Variants in PUM1 observed in about 807,000 individuals in gnomAD.
The protein encoded by PUM1 is pumilio homolog 1.
A neutral mutation model predicts 131.8 loss-of-function variants in PUM1; 13 were observed. The ratio of observed to expected loss-of-function variants is 0.10; its 90% CI spans 0.06 to 0.16. PUM1 has a LOEUF of 0.16. Among genes scored for constraint, PUM1 ranks in the 10% least tolerant of loss-of-function variants. PUM1 has a pLI of 1.00. For missense variants in PUM1, 961 were observed against 1,512.4 expected, an observed-to-expected ratio of 0.64 and a Z score of 6.05; for synonymous variants, 509 against 556.5, an observed-to-expected ratio of 0.91 and a Z score of 1.20.
At chr1:30,971,467 T>C (rs1385007770) in intron 10 of PUM1, among the ~76,000 whole-genome samples, 5 of 152,242 alleles carry the variant, frequency 3.3e-5, no homozygotes, top group African/African-American at 4.8e-5. Context: ...ATGATTATTA[T>C]GTCCATTTTA....
rs1361233490 is a variant in PUM1 at position 30,962,559 on chromosome 1, C to T, written c.2323+2115G>A. Reference sequence around the variant, plus strand: ...CCAAGCAGCTGGGACTACAGGCACACGCCACCATGCCTGGCTAATTTTTGT... The same window carrying T: ...CCAAGCAGCTGGGACTACAGGCACATGCCACCATGCCTGGCTAATTTTTGT... On this transcript the variant is annotated intron_variant, in intron 14 of 21. Transcript: ENST00000426105. 5.3e-5 allele frequency among the ~76,000 whole-genome samples: 8 copies of T among 152,168 alleles called. No individual in the cohort carries two copies. In the East Asian group the frequency reaches 7.7e-4, roughly 15 times the overall value.
intron 2 of PUM1, among the ~76,000 whole-genome samples, chr1:31,033,604 G>A (rs1381971138): frequency 1.3e-5 from 2 of 152,036 alleles, no homozygotes; most frequent in African/African-American, 2.4e-5. Context: ...AAGCCCAAGT[G>A]ATCCATCCAG....
At chr1:30,936,929 G>A in intron 20 of PUM1, 94 bp from the exon 21 acceptor site, 1 of 1,060,588 alleles carries the variant, frequency 9.4e-7, no homozygotes, top group Non-Finnish European at 1.3e-6. Flanking sequence ...CTCCGGACCA[G>A]CAGGGAGAGA....
chr1:31,059,757 A>G (rs1644326435), intron 1 of PUM1, among the ~76,000 whole-genome samples, 180 bp from the exon 2 acceptor site: 1 of 152,154 alleles, frequency 6.6e-6, no homozygotes, highest in African/African-American at 2.4e-5. Context: ...TTATGTTGTT[A>G]ACCAACACAT....
At chr1:31,062,387 C>T (rs1248847254) in intron 1 of PUM1, among the ~76,000 whole-genome samples, 2 of 152,106 alleles carry the variant, frequency 1.3e-5, no homozygotes, top group African/African-American at 4.8e-5. Context: ...CTTTGGGAGG[C>T]GGAGGCAGGC....
intron 14 of PUM1, among the ~76,000 whole-genome samples, chr1:30,961,922 T>C (rs1314674022): frequency 2.0e-5 from 3 of 152,302 alleles, no homozygotes; most frequent in Admixed American, 6.5e-5. Flanking sequence ...AGCAGTGAAG[T>C]AGTATTAACA....
chr1:31,009,588 A>G (rs2124514467), intron 3 of PUM1, among the ~76,000 whole-genome samples: 1 of 152,106 alleles, frequency 6.6e-6, no homozygotes, highest in East Asian at 1.9e-4. Flanking sequence ...CAACATGGCA[A>G]GATCCCCGTC....
chr1:31,048,791 T>C (rs1644034239), intron 2 of PUM1, among the ~76,000 whole-genome samples: 1 of 152,100 alleles, frequency 6.6e-6, no homozygotes, highest in Non-Finnish European at 1.5e-5. Flanking sequence ...GTAAATTCTA[T>C]AACCCATTAT....
Position 30,942,192 on chromosome 1 carries a change from T to C in PUM1, c.2995-69A>G, listed in dbSNP as rs556891599. 1.5e-3 allele frequency: 236 copies of C among 160,118 alleles called. 2 individuals carry two copies. The South Asian group carries it at 0.017, about 12-fold the overall frequency. 9.9% of individuals were successfully genotyped at this position (160,118 alleles called of 1,614,324 possible). A position where few individuals can be genotyped will look rare whatever the true frequency, so the allele number is the denominator to read the frequency against. On this transcript the variant is annotated intron_variant, in intron 18 of 21. Transcript: ENST00000426105. ...CCACCTTCAATGCTTCAGTATTGTT[T>C]ATATATATATATATATATATATATA...
chr1:31,000,813 C>T (rs900791403), intron 5 of PUM1, among the ~76,000 whole-genome samples: 3 of 152,204 alleles, frequency 2.0e-5, no homozygotes, highest in Non-Finnish European at 4.4e-5. Flanking sequence ...TCACAAAATG[C>T]CATAAAACTG....
chr1:30,999,606 C>CAAAAAAAAAAAAAA (rs56936440), intron 5 of PUM1, among the ~76,000 whole-genome samples: 1 of 53,980 alleles, frequency 1.9e-5, no homozygotes, highest in African/African-American at 6.9e-5. Flanking sequence ...GACTCTGTCT[C>CAAAAAAAAAAAAAA]AAAAAAAAAA....
chr1:31,009,505 C>T (rs1325953983), intron 3 of PUM1, among the ~76,000 whole-genome samples: 1 of 152,098 alleles, frequency 6.6e-6, no homozygotes, highest in Non-Finnish European at 1.5e-5. Context: ...GTGGCTCACG[C>T]CTGTAATCCC....
At chr1:31,027,674 AT>A (rs1643277934) in intron 3 of PUM1, among the ~76,000 whole-genome samples, 1 of 152,346 alleles carries the variant, frequency 6.6e-6, no homozygotes, top group South Asian at 2.1e-4. Flanking sequence ...GAAAGCAAGG[AT>A]CTCAGTTTAA....
rs1335473960 is a variant in PUM1 at position 31,059,353 on chromosome 1, C to A, written c.214G>T (p.Ala72Ser). Residue 72 changes from alanine to serine, a missense_variant, in exon 2 of 22, where the codon GCA becomes TCA. Physicochemically the swap from Ala to Ser is moderately conservative, Grantham distance 99. This residue lies in a region of PUM1 where 654 missense variants were observed against 923.9 expected (regional missense o/e 0.71). Coordinates refer to ENST00000426105, the MANE Select transcript of PUM1 (RefSeq NM_001020658.2). ...ATAGCGTCGTCCTGGGAACGGCCTG[C>A]AACTCCTATAGATCCTGGGACAGGG... is the stretch of plus-strand genomic sequence containing the variant. ...SSPVPGSIGV[A>S]GRSQDDAMVD... 1 of 1,614,160 alleles carries A rather than the reference C, an allele frequency of 6.2e-7. No individual in the cohort carries two copies. Among genetic ancestry groups the A allele is most frequent in the Non-Finnish European group, 8.5e-7 (1 of 1,180,038 alleles).
chr1:30,974,281 C>T (rs1251159649), intron 10 of PUM1, among the ~76,000 whole-genome samples: 1 of 152,092 alleles, frequency 6.6e-6, no homozygotes, highest in Non-Finnish European at 1.5e-5. Flanking sequence ...ATCTAGTACC[C>T]CTGCTTTAGT....
At chr1:30,946,228 A>G (rs1639659239) in intron 17 of PUM1, among the ~76,000 whole-genome samples, 1 of 152,160 alleles carries the variant, frequency 6.6e-6, no homozygotes, top group African/African-American at 2.4e-5. Context: ...AATGCATTTA[A>G]ATATCCCTAA....
intron 5 of PUM1, among the ~76,000 whole-genome samples, chr1:31,001,831 CTT>C (rs1642227225): frequency 6.6e-6 from 1 of 152,194 alleles, no homozygotes; most frequent in Non-Finnish European, 1.5e-5. Flanking sequence ...TCATTAGACT[CTT>C]TGTCCAGCTG....
At chr1:30,962,677 G>A (rs1640466631) in intron 14 of PUM1, among the ~76,000 whole-genome samples, 1 of 152,166 alleles carries the variant, frequency 6.6e-6, no homozygotes, top group Admixed American at 6.5e-5. Context: ...CTCCCAAAGT[G>A]CTGGGATTAC....
chr1:31,053,381 C>T (rs1435590860), intron 2 of PUM1, among the ~76,000 whole-genome samples: 1 of 151,466 alleles, frequency 6.6e-6, no homozygotes, highest in African/African-American at 2.4e-5. Flanking sequence ...ACTTCTTTCC[C>T]TCACTTCCCT....
Sources: allele counts gnomAD v4.1 joint callset (sites outside exome capture counted in the v4.1 genomes callset), GRCh38; gene constraint gnomAD v4.1.1; regional missense constraint gnomAD v4.1.1; transcripts MANE v1.5; gene names NCBI Gene and HGNC (gene_info 2026-07-23, HGNC 2026-07-21).